PROM1: variants seen among roughly 807,000 people sequenced by gnomAD.
The protein encoded by PROM1 is prominin-1.
In PROM1, 105 loss-of-function variants were observed where a neutral mutation model predicts 116.9. The observed-to-expected ratio is 0.90, with a 90% CI of 0.77 to 1.06. PROM1 has a LOEUF of 1.06. Among genes scored for constraint, PROM1 ranks in the 50% least tolerant of loss-of-function variants. The pLI is 0.00. For synonymous variants in PROM1, 393 were observed against 387.0 expected (o/e 1.02, Z -0.18); for missense variants, 1,122 against 1,045.2 (o/e 1.07, Z -1.01).
intron 8 of PROM1, 90 bp from the exon 9 acceptor site, chr4:16,018,630 A>T: frequency 8.4e-7 from 1 of 1,187,660 alleles, no homozygotes; most frequent in South Asian, 1.4e-5. Context: ...ATGGACTGGT[A>T]AATGACTTTA....
intron 19 of PROM1, 37 bp from the exon 20 acceptor site, chr4:15,987,753 A>G: frequency 2.6e-6 from 4 of 1,558,260 alleles, no homozygotes; most frequent in Non-Finnish European, 3.5e-6. Context: ...AAATTATTAC[A>G]TGAAGCAGCA....
rs777727176 is a variant in PROM1, at chr4:16,038,987, A to G, written c.235T>C (p.Phe79Leu). The G allele has an allele frequency of 2.7e-6, 4 of 1,501,358 alleles. No homozygotes were observed. Among genetic ancestry groups the G allele is most frequent in the East Asian group, 4.9e-5 (2 of 40,474 alleles). The allele number at this position is 1,501,358 out of a possible 1,614,324, so 93.0% of individuals were successfully genotyped here. ...RDFPEDTLRK[F>L]LQKAYESKID... Reference sequence around the variant, plus strand: ...TTGGATTCATATGCCTTCTGTAAGAATTTTCTCAAAGTATCTGGAAAAAAA... The same window carrying G: ...TTGGATTCATATGCCTTCTGTAAGAGTTTTCTCAAAGTATCTGGAAAAAAA... Residue 79 changes from phenylalanine (F) to leucine (L), a missense_variant, in exon 3 of 28, where the codon TTC becomes CTC. By Grantham distance (22) the Phe-to-Leu change is conservative. Coordinates refer to ENST00000447510, the MANE Select transcript of PROM1 (RefSeq NM_006017.3).
chr4:15,981,994 A>G (rs766175072), intron 23 of PROM1, among the ~76,000 whole-genome samples: 3 of 152,224 alleles, frequency 2.0e-5, no homozygotes, highest in Non-Finnish European at 4.4e-5. Context: ...TACACCACTC[A>G]CATCTGCAAG....
At chr4:15,974,757 C>A (rs1440305082) in intron 26 of PROM1, among the ~76,000 whole-genome samples, 2 of 152,202 alleles carry the variant, frequency 1.3e-5, no homozygotes, top group Non-Finnish European at 2.9e-5. Context: ...AGGCGTGAGC[C>A]ACCGCATCAG....
At chr4:15,971,180 CAG>C in intron 26 of PROM1, 98 bp from the exon 27 acceptor site, 1 of 1,011,346 alleles carries the variant, frequency 9.9e-7, no homozygotes, top group Non-Finnish European at 1.5e-6. Flanking sequence ...ACTAAAGGTA[CAG>C]ACGAATATAA....
At chr4:16,072,999 C>A (rs898419808) in intron 2 of PROM1, among the ~76,000 whole-genome samples, 4 of 152,128 alleles carry the variant, frequency 2.6e-5, no homozygotes, top group African/African-American at 4.8e-5. Context: ...AATCCCCTAC[C>A]CACCAAATTA....
Position 15,970,485 on chromosome 4 carries a change from T to G in PROM1, c.*24+558A>C, listed in dbSNP as rs543149158. Among the ~76,000 whole-genome samples, 52 of 151,830 alleles carry G rather than the reference T, an allele frequency of 3.4e-4. 1 individual carries two copies. Among genetic ancestry groups the G allele is most frequent in the South Asian group, 3.1e-3 (15 of 4,816 alleles). ...ACCGCACCAGCCCTTATTTTTTTAC[T>G]TAAAAAATCTTATCTTTTTAAGTAA... On this transcript the variant is annotated intron_variant, in intron 27 of 27. Transcript: ENST00000447510.
At chr4:15,990,314 G>C (rs1279310763) in intron 18 of PROM1, among the ~76,000 whole-genome samples, 1 of 152,136 alleles carries the variant, frequency 6.6e-6, no homozygotes, top group Admixed American at 6.5e-5. Flanking sequence ...TCTTCTTCAA[G>C]AGCCCAGGTT....
intron 10 of PROM1, 51 bp downstream of exon 10, chr4:16,016,115 A>G (rs1412341705): frequency 6.9e-7 from 1 of 1,445,798 alleles, no homozygotes; most frequent in African/African-American, 1.4e-5. Flanking sequence ...GTACTAGTCC[A>G]CCCTTTAAAA....
At chr4:15,978,726 A>ACTGCTGCC (rs1227175617) in intron 26 of PROM1, among the ~76,000 whole-genome samples, 6 of 152,216 alleles carry the variant, frequency 3.9e-5, no homozygotes, top group African/African-American at 1.4e-4. Context: ...AGGACAGCCC[A>ACTGCTGCC]CTGCTGCCCT....
At position 15,991,249 on chromosome 4, in the gene PROM1, A is replaced by G; in HGVS notation, c.1956T>C (p.Tyr652=). The part of the protein sequence containing the change: ...PAGVNLLSFA[Y]DLEAKANSLP... ...AACTGTTTGCTTTTGCTTCTAGATC[A>G]TATGCAAATGATAAAAGATTCACTC... The change falls in exon 18 of 28, where the codon TAT becomes TAC. Residue 652 remains tyrosine, a synonymous_variant. Coordinates refer to ENST00000447510, the MANE Select transcript of PROM1 (RefSeq NM_006017.3). 6.2e-7 allele frequency: 1 copy of G among 1,608,396 alleles called. No individual in the cohort carries two copies. The highest frequency in any genetic ancestry group is 8.5e-7 in the Non-Finnish European group (1 of 1,178,038).
chr4:16,067,013 A>G (rs1297200206), intron 2 of PROM1, among the ~76,000 whole-genome samples: 3 of 152,230 alleles, frequency 2.0e-5, no homozygotes, highest in Non-Finnish European at 4.4e-5. Flanking sequence ...GTTTGGTTAC[A>G]GAAGACTGCC....
intron 8 of PROM1, 151 bp downstream of exon 8, chr4:16,023,175 A>G (rs1003610794): frequency 1.5e-6 from 1 of 670,874 alleles, no homozygotes; most frequent in Non-Finnish European, 2.7e-6. Context: ...AGCTATTGCA[A>G]CACAGTGTCT....
At chr4:15,980,570 T>A in intron 23 of PROM1, 33 bp from the exon 24 acceptor site, 1 of 1,361,120 alleles carries the variant, frequency 7.3e-7, no homozygotes, top group Non-Finnish European at 1.0e-6. Flanking sequence ...ATTAAATGTT[T>A]GAAGATAAGA....
chr4:15,984,431 T>A, intron 22 of PROM1, 76 bp from the exon 23 acceptor site: 1 of 1,079,446 alleles, frequency 9.3e-7, no homozygotes. Flanking sequence ...GCCATTTACT[T>A]TTGACTTGGT....
intron 5 of PROM1, among the ~76,000 whole-genome samples, chr4:16,030,103 G>A (rs1420016519): frequency 1.3e-5 from 2 of 152,046 alleles, no homozygotes; most frequent in Non-Finnish European, 2.9e-5. Flanking sequence ...TGGATTACTT[G>A]CAAACAATAT....
chr4:16,001,840 G>A (rs775608504), intron 13 of PROM1, among the ~76,000 whole-genome samples: 2 of 152,144 alleles, frequency 1.3e-5, no homozygotes, highest in African/African-American at 2.4e-5. Flanking sequence ...TTTTATTTCT[G>A]AAGAAGGGAG....
rs17478086 is a variant in PROM1, at chr4:16,000,290, T to C, written c.1578+206A>G. 0.11 allele frequency among the ~76,000 whole-genome samples: 16,395 copies of C among 152,284 alleles called. 947 individuals carry two copies. The highest frequency in any genetic ancestry group is 0.13 in the South Asian group (634 of 4,822). On this transcript the variant is annotated intron_variant, in intron 14 of 27. Transcript: ENST00000447510. ...TGATCAGAAAATAAGGACGCTCCCA[T>C]ATTTTTTTTTCTCTTACAAATAGAA...
chr4:16,023,317 A>G lies in PROM1; in HGVS notation c.784+9T>C, dbSNP rs374140606. On this transcript the variant is annotated intron_variant, in intron 8 of 27. Transcript: ENST00000447510. ...GAACTTTCTTTGGTCATTTTTGCCCACTGCTTACCTGTTGCCATGGACTTA... is the reference window on the plus strand; with the variant it reads ...GAACTTTCTTTGGTCATTTTTGCCCGCTGCTTACCTGTTGCCATGGACTTA... 6.3e-7 allele frequency: 1 copy of G among 1,586,412 alleles called. No homozygotes were observed. The highest frequency in any genetic ancestry group is 1.1e-5 in the South Asian group (1 of 87,866).
Sources: allele counts gnomAD v4.1 joint callset (sites outside exome capture counted in the v4.1 genomes callset), GRCh38; gene constraint gnomAD v4.1.1; transcripts MANE v1.5; gene names NCBI Gene and HGNC (gene_info 2026-07-23, HGNC 2026-07-21).